Variants in FER1L5 observed in about 807,000 individuals in gnomAD.
The protein encoded by FER1L5 is fer-1-like protein 5.
Under a neutral mutation model 279.9 loss-of-function variants are expected in FER1L5, and 187 were observed. The observed-to-expected ratio is 0.67, with a 90% confidence interval of 0.59 to 0.75. The LOEUF is 0.75. FER1L5 is among the 30% of genes least tolerant of loss of function. The pLI is 0.00. For synonymous variants in FER1L5, 921 were observed against 989.7 expected (o/e 0.93, Z 1.30); for missense variants, 2,091 against 2,594.4 (o/e 0.81, Z 4.21).
At position 96,689,101 on chromosome 2, in the gene FER1L5, C is replaced by T; in HGVS notation, c.2362-112C>T. On this transcript the variant is annotated intron_variant, in intron 24 of 52. Coordinates refer to ENST00000624922, the MANE Select transcript of FER1L5 (RefSeq NM_001293083.2). This position sits in a 1 kb window ranked among gnomAD's most constrained non-coding sequence, Gnocchi z 4.6. ...GACATGGCCCTTTCTTGCCTGGCTA[C>T]CACATTTTTAGGATGCCCCTGCAGC... The T allele has an allele frequency of 7.6e-7, 1 of 1,314,076 alleles. No individual in the cohort carries two copies. Among genetic ancestry groups the T allele is most frequent in the African/African-American group, 1.5e-5 (1 of 66,632 alleles). 81.4% of individuals were successfully genotyped at this position (1,314,076 alleles called of 1,614,324 possible).
chr2:96,654,273 C>T (rs2075502559), intron 8 of FER1L5, 173 bp from the exon 9 acceptor site: 1 of 390,226 alleles, frequency 2.6e-6, no homozygotes, highest in African/African-American at 2.1e-5. Flanking sequence ...ATCTGAACCT[C>T]ACAGGGTTCC....
rs1305696916 is a variant in FER1L5 at position 96,691,927 on chromosome 2, C to A, written c.3178C>A (p.Pro1060Thr). ...GGACCCCCAGAGGCAGGACACCCGG[C>A]CCCCCAACTTGCCCTTCATCTACTG... Reference protein sequence around the residue: ...FRDPQRQDTRPPNLPFIYCTF... With the variant: ...FRDPQRQDTRTPNLPFIYCTF... The change falls in exon 30 of 53, where the codon CCC (proline) becomes ACC (threonine). Residue 1060 changes from proline to threonine, a missense_variant. By Grantham distance (38) the Pro-to-Thr change is conservative. Coordinates refer to ENST00000624922, the MANE Select transcript of FER1L5 (RefSeq NM_001293083.2). The surrounding 1 kb of genome is among the most constrained non-coding windows in gnomAD (Gnocchi z 6.0). 3 of 1,550,826 alleles carry A rather than the reference C, an allele frequency of 1.9e-6. No homozygotes were observed. Among genetic ancestry groups the A allele is most frequent in the Non-Finnish European group, 2.6e-6 (3 of 1,146,830 alleles).
intron 5 of FER1L5, among the ~76,000 whole-genome samples, chr2:96,649,909 T>G (rs962418534): frequency 2.6e-5 from 4 of 152,162 alleles, no homozygotes; most frequent in African/African-American, 9.7e-5. Flanking sequence ...CCATGAGATA[T>G]AAGACATAAG....
intron 14 of FER1L5, among the ~76,000 whole-genome samples, chr2:96,664,060 C>T (rs2076044768): frequency 6.6e-6 from 1 of 151,644 alleles, no homozygotes; most frequent in South Asian, 2.1e-4. Flanking sequence ...CAACCTGTTG[C>T]CCAAGCCAAG....
rs369000808 is a variant in FER1L5, at chr2:96,658,258, G to A, written c.748-2083G>A. ...GTCTTGAACTCCTGACCTTGTGAGC[G>A]GCCCACCTTGGCCTCCCAAAGTGCT... On this transcript the variant is annotated intron_variant, in intron 9 of 52. Coordinates refer to ENST00000624922, the MANE Select transcript of FER1L5 (RefSeq NM_001293083.2). Among the ~76,000 whole-genome samples, 69 of 151,782 alleles carry A rather than the reference G, an allele frequency of 4.5e-4. No individual in the cohort carries two copies. The South Asian group carries it at 5.4e-3, about 12-fold the overall frequency.
intron 32 of FER1L5, 46 bp from the exon 33 acceptor site, chr2:96,693,865 G>A: frequency 6.6e-7 from 1 of 1,509,260 alleles, no homozygotes; most frequent in Non-Finnish European, 8.9e-7. Flanking sequence ...ACAGAGCTGG[G>A]CCCTGCCAGC....
intron 45 of FER1L5, among the ~76,000 whole-genome samples, 166 bp from the exon 46 acceptor site, chr2:96,701,789 G>A (rs1430163090): frequency 6.6e-6 from 1 of 152,184 alleles, no homozygotes; most frequent in Non-Finnish European, 1.5e-5. Context: ...AAAGGGGGAA[G>A]CTGGTGCGTG....
At chr2:96,645,897 T>C (rs1270588914) in intron 1 of FER1L5, among the ~76,000 whole-genome samples, 1 of 152,110 alleles carries the variant, frequency 6.6e-6, no homozygotes, top group Non-Finnish European at 1.5e-5. Context: ...TCAAGAAATG[T>C]TGAACCCACA....
intron 6 of FER1L5, 92 bp from the exon 7 acceptor site, chr2:96,651,800 T>A: frequency 6.6e-7 from 1 of 1,521,992 alleles, no homozygotes; most frequent in Non-Finnish European, 8.9e-7. Context: ...AGCCACTCAT[T>A]GCACCTGGCC....
intron 14 of FER1L5, among the ~76,000 whole-genome samples, chr2:96,663,870 C>A (rs969268239): frequency 2.6e-5 from 4 of 152,076 alleles, no homozygotes; most frequent in Admixed American, 6.6e-5. Context: ...GTGGCGAAAC[C>A]AGACTCTACT....
intron 4 of FER1L5, among the ~76,000 whole-genome samples, chr2:96,648,236 C>A (rs1320488985): frequency 6.6e-6 from 1 of 152,176 alleles, no homozygotes; most frequent in Non-Finnish European, 1.5e-5. Context: ...AGGGAGTGAA[C>A]AATTTGTCTC....
In FER1L5 at chr2:96,691,302, G is replaced by A; in HGVS notation, c.2856G>A (p.Arg952=). 1 of 1,550,528 alleles carries A rather than the reference G, an allele frequency of 6.4e-7. No homozygotes were observed. Among genetic ancestry groups the A allele is most frequent in the Non-Finnish European group, 8.7e-7 (1 of 1,146,844 alleles). ...RRRRWARVRF[R]NHGELSHEQE... ...GGCGCTGGGCGCGTGTGCGCTTCAG[G>A]AACCATGGGGAGCTGAGCCACGAGC... The change falls in exon 28 of 53, where the codon AGG becomes AGA. Residue 952 remains arginine (R), a synonymous_variant. Transcript: ENST00000624922. The surrounding 1 kb of genome is among the most constrained non-coding windows in gnomAD (Gnocchi z 6.0).
chr2:96,699,198 G>GC, intron 42 of FER1L5, 62 bp downstream of exon 42: 18 of 1,506,676 alleles, frequency 1.2e-5, no homozygotes, highest in Non-Finnish European at 1.4e-5. Flanking sequence ...CTGGAAGTCG[G>GC]CCGGAGAAGG....
chr2:96,643,004 C>A, intron 1 of FER1L5, 83 bp downstream of exon 1: 1 of 1,200,012 alleles, frequency 8.3e-7, no homozygotes, highest in East Asian at 2.7e-5. Context: ...TGTATGGCAC[C>A]CCACTACATA....
chr2:96,694,372 A>G lies in FER1L5; in HGVS notation c.3649A>G (p.Lys1217Glu). The change falls in exon 34 of 53, where the codon AAG (lysine) becomes GAG (glutamate). Residue 1217 changes from lysine to glutamate, a missense_variant. Transcript: ENST00000624922. This position sits in a 1 kb window ranked among gnomAD's most constrained non-coding sequence, Gnocchi z 4.6. ...TGCCCTCCCCCAGAAGCTTGGAGAG[A>G]AGCAGCTGCCTATCTTAAGCGTTCC... ...LILQTEKLGE[K>E]QLPILSVPWK... The G allele has an allele frequency of 6.5e-7, 1 of 1,549,396 alleles. No homozygotes were observed. Among genetic ancestry groups the G allele is most frequent in the Non-Finnish European group, 8.7e-7 (1 of 1,145,886 alleles).
intron 9 of FER1L5, among the ~76,000 whole-genome samples, chr2:96,659,338 C>CTTCCTTCCTTCT (rs2075760890): frequency 1.2e-5 from 1 of 81,260 alleles, no homozygotes; most frequent in South Asian, 9.1e-4. Context: ...TCCTTCCTTC[C>CTTCCTTCCTTCT]TTCCTTCCTT....
rs1054286761 is a variant in FER1L5, at chr2:96,679,558, A to G, written c.1670-4769A>G. 5.9e-5 allele frequency among the ~76,000 whole-genome samples: 9 copies of G among 152,214 alleles called. No individual in the cohort carries two copies. In the South Asian group the frequency reaches 6.2e-4, roughly 11 times the overall value. On this transcript the variant is annotated intron_variant, in intron 19 of 52. Transcript: ENST00000624922. ...TTTTACAGTTTTACCTCTTACACTT[A>G]TCTGTATGATTCATTTTGAATTAAT...
At chr2:96,673,284 G>A in intron 19 of FER1L5, 30 bp downstream of exon 19, 1 of 1,536,268 alleles carries the variant, frequency 6.5e-7, no homozygotes, top group Non-Finnish European at 8.8e-7. Flanking sequence ...AATAAGTAGA[G>A]AGCAGCCACT....
At chr2:96,699,493 AG>A (rs755963397) in intron 42 of FER1L5, 56 bp from the exon 43 acceptor site, 41 of 1,554,474 alleles carry the variant, frequency 2.6e-5, no homozygotes, top group Non-Finnish European at 3.3e-5. Flanking sequence ...CCGGTGAGGG[AG>A]GGGGGCACAG....
Sources: gnomAD v4.1 joint callset for allele counts (sites outside exome capture counted in the v4.1 genomes callset) on GRCh38, gnomAD v4.1.1 for gene constraint, Gnocchi (gnomAD v3.1) non-coding constraint, MANE v1.5 for transcripts, NCBI Gene and HGNC (gene_info 2026-07-23, HGNC 2026-07-21) for gene names.